USP8: variants seen among roughly 807,000 people sequenced by gnomAD.
The protein encoded by USP8 is ubiquitin specific peptidase 8.
A neutral mutation model predicts 130.0 loss-of-function variants in USP8; 27 were observed. The ratio of observed to expected loss-of-function variants is 0.21; its 90% CI spans 0.15 to 0.29. USP8 has a LOEUF of 0.29. Ranked by LOEUF, USP8 falls within the 10% of genes least tolerant of loss-of-function variation. The pLI, the probability that USP8 is intolerant of heterozygous loss-of-function variation, is 1.00. For missense variants in USP8, 1,029 were observed against 1,312.2 expected (o/e 0.78, Z 3.33); for synonymous variants, 392 against 444.1 (o/e 0.88, Z 1.48).
At chr15:50,466,824 A>G in intron 7 of USP8, 2 of 304,056 alleles carry the variant, frequency 6.6e-6, no homozygotes, top group Non-Finnish European at 1.3e-5. Context: ...GAGCCACAGC[A>G]TAAAATCCCT....
chr15:50,460,187 G>A (rs1234924150), intron 5 of USP8, among the ~76,000 whole-genome samples: 1 of 150,644 alleles, frequency 6.6e-6, no homozygotes, highest in African/African-American at 2.4e-5. Context: ...TAGTAGAGAT[G>A]GGGTTTCACC....
chr15:50,442,409 G>A (rs992338095), intron 3 of USP8, among the ~76,000 whole-genome samples: 5 of 152,180 alleles, frequency 3.3e-5, no homozygotes, highest in Admixed American at 6.5e-5. Context: ...TAGGATAAGT[G>A]TTGATAGAGA....
At chr15:50,444,228 C>T (rs559339321) in intron 3 of USP8, among the ~76,000 whole-genome samples, 5 of 151,194 alleles carry the variant, frequency 3.3e-5, no homozygotes, top group African/African-American at 9.7e-5. Context: ...TTCAGCCTCC[C>T]GAGTAGCTGG....
chr15:50,506,390 C>G lies in USP8; in HGVS notation c.*7302C>G, dbSNP rs1320988773. ...TGTGAGGGATCTAGGTTGCGTGCTC[C>G]TTATGAGAATCTACTGCCTGATTTT... is the stretch of plus-strand genomic sequence containing the variant. On this transcript the variant is annotated 3_prime_UTR_variant, in exon 20 of 20. Transcript: ENST00000307179. 6.6e-6 allele frequency: 1 copy of G among 152,176 alleles called. No individual in the cohort carries two copies. Among genetic ancestry groups the G allele is most frequent in the Non-Finnish European group, 1.5e-5 (1 of 68,034 alleles). The allele number at this position is 152,176 out of a possible 1,614,324, so 9.4% of individuals were successfully genotyped here.
rs986382991 is a variant in USP8 at position 50,499,431 on chromosome 15, A to G, written c.*343A>G. 4 of 170,466 alleles carry G rather than the reference A, an allele frequency of 2.3e-5. No individual in the cohort carries two copies. Among genetic ancestry groups the G allele is most frequent in the South Asian group, 1.8e-4 (1 of 5,452 alleles). 10.6% of individuals were successfully genotyped at this position (170,466 alleles called of 1,614,324 possible). ...ACTGTTATGGCCTTTTCACATTTCT[A>G]AATCCCATCTTGATATACTATGAAT... is the stretch of plus-strand genomic sequence containing the variant. On this transcript the variant is annotated 3_prime_UTR_variant, in exon 20 of 20. Coordinates refer to ENST00000307179, the MANE Select transcript of USP8 (RefSeq NM_005154.5).
chr15:50,498,486 T>C, intron 18 of USP8, 110 bp from the exon 19 acceptor site: 5 of 1,370,148 alleles, frequency 3.6e-6, no homozygotes, highest in Non-Finnish European at 4.8e-6. Flanking sequence ...TCCAAGTCTT[T>C]GTATTTGAAA....
At chr15:50,496,350 G>A (rs919539763) in intron 17 of USP8, among the ~76,000 whole-genome samples, 1 of 151,936 alleles carries the variant, frequency 6.6e-6, no homozygotes, top group Admixed American at 6.6e-5. Flanking sequence ...GCGTGGTGGT[G>A]GGCACCTGTA....
Position 50,511,992 on chromosome 15 carries a change from T to A in USP8, c.*12904T>A, listed in dbSNP as rs1271939976. ...CAGCCTGAGCAAGAGTGAGATATTG[T>A]CTCAAAAAATAAAATAAATAAAATT... On this transcript the variant is annotated 3_prime_UTR_variant, in exon 20 of 20. Coordinates refer to ENST00000307179, the MANE Select transcript of USP8 (RefSeq NM_005154.5). The A allele has an allele frequency of 1.3e-5, 2 of 151,866 alleles. No individual in the cohort carries two copies. Among genetic ancestry groups the A allele is most frequent in the African/African-American group, 4.8e-5 (2 of 41,310 alleles). 9.4% of individuals were successfully genotyped at this position (151,866 alleles called of 1,614,324 possible).
chr15:50,495,967 T>C lies in USP8; in HGVS notation c.2778T>C (p.Phe926=). The C allele has an allele frequency of 6.2e-7, 1 of 1,613,942 alleles. No individual in the cohort carries two copies. The highest frequency in any genetic ancestry group is 1.7e-5 in the Admixed American group (1 of 60,024). Residue 926 remains phenylalanine, a synonymous_variant, in exon 17 of 20, where the codon TTT becomes TTC. Coordinates refer to ENST00000307179, the MANE Select transcript of USP8 (RefSeq NM_005154.5). ...ATGAGTCTATTATTGTTGCACTTTT[T>C]CAGGGTCAATTCAAATCTACAGTAC... The part of the protein sequence containing the change: ...QLNESIIVAL[F]QGQFKSTVQC...
intron 1 of USP8, among the ~76,000 whole-genome samples, chr15:50,437,702 C>A (rs1055997302): frequency 3.3e-5 from 5 of 152,230 alleles, no homozygotes; most frequent in African/African-American, 7.2e-5. Flanking sequence ...CATACTCTTT[C>A]CTCAATGGAT....
chr15:50,432,755 G>A (rs949053332), intron 1 of USP8, among the ~76,000 whole-genome samples: 2 of 152,090 alleles, frequency 1.3e-5, no homozygotes, highest in African/African-American at 2.4e-5. Flanking sequence ...ACCTTACTAT[G>A]TGTGACATAG....
At chr15:50,439,330 G>A (rs151233247) in intron 2 of USP8, among the ~76,000 whole-genome samples, 153 bp downstream of exon 2, 60 of 152,056 alleles carry the variant, frequency 3.9e-4, no homozygotes, top group African/African-American at 1.4e-3. Context: ...TAATGTAATC[G>A]TAGCACAATA....
intron 3 of USP8, among the ~76,000 whole-genome samples, chr15:50,445,557 A>AAAAAAAAAAAAAAAAAAAAAACAAAAAAT (rs2050403980): frequency 8.8e-6 from 1 of 113,814 alleles, no homozygotes; most frequent in African/African-American, 3.3e-5. Context: ...AAAAAAAAAA[A>AAAAAAAAAAAAAAAAAAAAAACAAAAAAT]AAAAAAAAAA....
intron 7 of USP8, among the ~76,000 whole-genome samples, chr15:50,467,395 A>C (rs943649587): frequency 3.3e-5 from 5 of 152,198 alleles, no homozygotes; most frequent in African/African-American, 4.8e-5. Flanking sequence ...TTTATGTTAC[A>C]GTCCTTTTGA....
intron 2 of USP8, 151 bp downstream of exon 2, chr15:50,439,328 T>C (rs2050175775): frequency 3.7e-6 from 2 of 547,274 alleles, no homozygotes; most frequent in Non-Finnish European, 3.2e-6. Context: ...TGTAATGTAA[T>C]CGTAGCACAA....
At chr15:50,480,236 A>G (rs759883130) in intron 10 of USP8, among the ~76,000 whole-genome samples, 3 of 152,170 alleles carry the variant, frequency 2.0e-5, no homozygotes, top group Non-Finnish European at 4.4e-5. Context: ...GAGGTAATAA[A>G]CATTTAACTC....
intron 2 of USP8, among the ~76,000 whole-genome samples, 181 bp downstream of exon 2, chr15:50,439,358 T>C (rs749736405): frequency 2.6e-5 from 4 of 152,198 alleles, no homozygotes; most frequent in Non-Finnish European, 4.4e-5. Flanking sequence ...ATTCTGCTCA[T>C]ATGCATATTA....
In USP8 at chr15:50,489,880, A is replaced by G; in HGVS notation, c.1970A>G (p.Lys657Arg). The change falls in exon 13 of 20, where the codon AAG (lysine) becomes AGG (arginine). Residue 657 changes from lysine (K) to arginine (R), a missense_variant and splice_region_variant. Around this residue, in one of 4 missense-constraint regions of USP8, gnomAD observed 486 missense variants for 522.0 expected, o/e 0.93. Coordinates refer to ENST00000307179, the MANE Select transcript of USP8 (RefSeq NM_005154.5). Reference protein sequence around the residue: ...IVPGLPSGWAKFLDPITGTFR... With the variant: ...IVPGLPSGWARFLDPITGTFR... ...CCAGGACTGCCTTCAGGCTGGGCCA[A>G]GGTAAAAGTCAGAATTAGCAGTAAA... The G allele has an allele frequency of 6.4e-7, 1 of 1,573,454 alleles. No individual in the cohort carries two copies. The highest frequency in any genetic ancestry group is 8.6e-7 in the Non-Finnish European group (1 of 1,163,806).
At chr15:50,477,555 T>C (rs1595960997) in intron 10 of USP8, 56 bp downstream of exon 10, 1 of 1,490,842 alleles carries the variant, frequency 6.7e-7, no homozygotes, top group South Asian at 1.3e-5. Flanking sequence ...AAATATATAG[T>C]ATAGCTGGGC....
Sources: gnomAD v4.1 joint callset for allele counts (sites outside exome capture counted in the v4.1 genomes callset) on GRCh38, gnomAD v4.1.1 for gene constraint, gnomAD v4.1.1 regional missense constraint, MANE v1.5 for transcripts, NCBI Gene and HGNC (gene_info 2026-07-23, HGNC 2026-07-21) for gene names.